Variants in ANLN observed in about 807,000 individuals in gnomAD.
ANLN encodes anillin, actin binding protein.
A neutral mutation model predicts 135.1 loss-of-function variants in ANLN; 59 were observed. The observed-to-expected ratio is 0.44, with a 90% CI of 0.35 to 0.54. ANLN has a LOEUF of 0.54. Among genes scored for constraint, ANLN ranks in the 20% least tolerant of loss-of-function variants. ANLN has a pLI of 0.00. For synonymous variants in ANLN, 406 were observed against 456.4 expected (o/e 0.89, Z 1.41); for missense variants, 1,182 against 1,340.0 (o/e 0.88, Z 1.84).
At chr7:36,401,554 G>A (rs1460446308) in intron 3 of ANLN, among the ~76,000 whole-genome samples, 1 of 150,272 alleles carries the variant, frequency 6.7e-6, no homozygotes, top group East Asian at 1.9e-4. Context: ...GTCCAAGCTG[G>A]TCTTGAACTC....
At chr7:36,432,474 C>G (rs972898804) in intron 20 of ANLN, among the ~76,000 whole-genome samples, 3 of 152,130 alleles carry the variant, frequency 2.0e-5, no homozygotes, top group Admixed American at 1.3e-4. Context: ...GTGTGTCTTT[C>G]TTATAGCAAT....
intron 23 of ANLN, among the ~76,000 whole-genome samples, chr7:36,451,943 T>A (rs1789261249): frequency 1.3e-5 from 2 of 152,180 alleles, no homozygotes; most frequent in Non-Finnish European, 2.9e-5. Flanking sequence ...AGTCTTAGGA[T>A]CTTTTGATAG....
At chr7:36,431,593 G>A (rs868168365) in intron 20 of ANLN, among the ~76,000 whole-genome samples, 310 of 19,904 alleles carry the variant, frequency 0.016, 1 homozygote, top group Admixed American at 0.039. Flanking sequence ...GTGTGTGTGT[G>A]TGTGTATATA....
At chr7:36,421,439 C>T (rs1787873194) in intron 12 of ANLN, among the ~76,000 whole-genome samples, 1 of 151,764 alleles carries the variant, frequency 6.6e-6, no homozygotes. Context: ...GCTGATCTCA[C>T]ACTCCTGGGC....
intron 19 of ANLN, among the ~76,000 whole-genome samples, chr7:36,426,617 A>C (rs1200524024): frequency 6.6e-6 from 1 of 152,180 alleles, no homozygotes; most frequent in Non-Finnish European, 1.5e-5. Context: ...GTCACCCTGC[A>C]TTATAACTAG....
At chr7:36,417,740 C>T (rs1270463323) in intron 9 of ANLN, among the ~76,000 whole-genome samples, 2 of 145,312 alleles carry the variant, frequency 1.4e-5, no homozygotes, top group East Asian at 2.0e-4. Flanking sequence ...TGCAGTGGCA[C>T]GATCTTGGCT....
intron 21 of ANLN, among the ~76,000 whole-genome samples, chr7:36,441,436 T>C (rs1377505858): frequency 6.6e-6 from 1 of 152,184 alleles, no homozygotes; most frequent in East Asian, 1.9e-4. Context: ...TATAAAAAAT[T>C]AGAGGTAGTA....
At chr7:36,391,202 C>T (rs1786442750) in intron 1 of ANLN, among the ~76,000 whole-genome samples, 1 of 152,094 alleles carries the variant, frequency 6.6e-6, no homozygotes, top group African/African-American at 2.4e-5. Context: ...AAATCTAGAG[C>T]CTATTTTTGT....
At chr7:36,396,561 C>G in intron 2 of ANLN, 142 bp downstream of exon 2, 1 of 737,120 alleles carries the variant, frequency 1.4e-6, no homozygotes, top group Non-Finnish European at 2.0e-6. Context: ...TAACAGCCTT[C>G]TATTCTATTT....
At chr7:36,394,526 G>T (rs1051466897) in intron 1 of ANLN, among the ~76,000 whole-genome samples, 3 of 152,194 alleles carry the variant, frequency 2.0e-5, no homozygotes, top group African/African-American at 7.2e-5. Flanking sequence ...GCGGGTGAAG[G>T]TCTTGTATTT....
chr7:36,442,406 T>C (rs1788810648), intron 21 of ANLN, among the ~76,000 whole-genome samples: 1 of 152,156 alleles, frequency 6.6e-6, no homozygotes, highest in African/African-American at 2.4e-5. Flanking sequence ...GATTGGAACA[T>C]AGGCTGATCT....
At chr7:36,447,691 C>G (rs920756382) in intron 22 of ANLN, among the ~76,000 whole-genome samples, 2 of 152,136 alleles carry the variant, frequency 1.3e-5, no homozygotes, top group African/African-American at 4.8e-5. Context: ...TAAGTGACTA[C>G]TGAGCAGGTA....
Position 36,408,044 on chromosome 7 carries a change from C to T in ANLN, c.1096+88C>T, listed in dbSNP as rs991728991. The T allele has an allele frequency of 1.5e-5, 16 of 1,061,904 alleles. No homozygotes were observed. In the Admixed American group the frequency reaches 4.0e-4, roughly 27 times the overall value. The allele number at this position is 1,061,904 out of a possible 1,614,324, so 65.8% of individuals were successfully genotyped here. ...TTTAAATATTCAATTGTGAATGGTA[C>T]AGCAATGATTTGCCAGGGCCAATGC... On this transcript the variant is annotated intron_variant, in intron 5 of 23. Coordinates refer to ENST00000265748, the MANE Select transcript of ANLN (RefSeq NM_018685.5).
At chr7:36,409,904 T>G (rs1255546181) in intron 5 of ANLN, among the ~76,000 whole-genome samples, 1 of 152,036 alleles carries the variant, frequency 6.6e-6, no homozygotes, top group Admixed American at 6.6e-5. Flanking sequence ...ACTCCTGAGC[T>G]CAAGAGATCC....
In ANLN at chr7:36,422,667, T is replaced by G; in HGVS notation, c.2334T>G (p.Asn778Lys). The G allele has an allele frequency of 6.2e-7, 1 of 1,610,258 alleles. No individual in the cohort carries two copies. Among genetic ancestry groups the G allele is most frequent in the Non-Finnish European group, 8.5e-7 (1 of 1,179,012 alleles). The change falls in exon 14 of 24, where the codon AAT becomes AAG. Residue 778 changes from asparagine to lysine, a missense_variant. By Grantham distance (94) the Asn-to-Lys change is moderately conservative (BLOSUM62 0). Coordinates refer to ENST00000265748, the MANE Select transcript of ANLN (RefSeq NM_018685.5). ...GAACACTTTTGATTGATGAATTGAATAAATTGAAGAACGAAGGACCTCAGA... is the reference window on the plus strand; with the variant it reads ...GAACACTTTTGATTGATGAATTGAAGAAATTGAAGAACGAAGGACCTCAGA... ...GKRTLLIDEL[N>K]KLKNEGPQRK...
chr7:36,449,789 A>T lies in ANLN; in HGVS notation c.3203A>T (p.Asp1068Val). 6.2e-7 allele frequency: 1 copy of T among 1,614,090 alleles called. No individual in the cohort carries two copies. Among genetic ancestry groups the T allele is most frequent in the Non-Finnish European group, 8.5e-7 (1 of 1,179,954 alleles). ...LITVRPQRED[D>V]RETLVSQCRD... ...ACTGTCCGACCACAAAGAGAAGATG[A>T]CCGAGAGACTCTTGTCAGCCAATGC... is the stretch of plus-strand genomic sequence containing the variant. The change falls in exon 23 of 24, where the codon GAC becomes GTC. Residue 1068 changes from aspartate to valine, a missense_variant. Around this residue, in one of 3 missense-constraint regions of ANLN, gnomAD observed 78 missense variants for 72.7 expected, o/e 1.07. Transcript: ENST00000265748.
At position 36,389,916 on chromosome 7, in the gene ANLN, C is replaced by T. The variant is rs781621646; in HGVS notation, c.-111C>T. The T allele has an allele frequency of 2.5e-6, 4 of 1,597,988 alleles. No homozygotes were observed. Among genetic ancestry groups the T allele is most frequent in the Non-Finnish European group, 3.4e-6 (4 of 1,167,800 alleles). On this transcript the variant is annotated 5_prime_UTR_variant, in exon 1 of 24. Coordinates refer to ENST00000265748, the MANE Select transcript of ANLN (RefSeq NM_018685.5). ...GACAGCTGGTTGTGGGAGAGTTCCC[C>T]CGCCTCAGACTCCTGGTTTTTTCCA...
chr7:36,452,452 C>T (rs1789284881), intron 23 of ANLN, 25 bp from the exon 24 acceptor site: 2 of 1,613,382 alleles, frequency 1.2e-6, no homozygotes, highest in Admixed American at 1.7e-5. Flanking sequence ...AGAATTCTGA[C>T]CTCTTTGGTT....
intron 20 of ANLN, among the ~76,000 whole-genome samples, chr7:36,438,569 G>A (rs1353517383): frequency 2.6e-5 from 4 of 152,006 alleles, no homozygotes; most frequent in Non-Finnish European, 4.4e-5. Context: ...ACGAGGTCTC[G>A]CTATGTTACC....
Sources: gnomAD v4.1 joint callset for allele counts (sites outside exome capture counted in the v4.1 genomes callset) on GRCh38, gnomAD v4.1.1 for gene constraint, gnomAD v4.1.1 regional missense constraint, MANE v1.5 for transcripts, NCBI Gene and HGNC (gene_info 2026-07-23, HGNC 2026-07-21) for gene names.